Variants in WARS1 observed in about 807,000 individuals in gnomAD.
WARS1 encodes tryptophan--tRNA ligase, cytoplasmic.
Under a neutral mutation model 47.8 loss-of-function variants are expected in WARS1, and 17 were observed. That is an observed-to-expected ratio of 0.36 (90% CI 0.24 to 0.53). The LOEUF is 0.53. Among genes scored for constraint, WARS1 ranks in the 20% least tolerant of loss-of-function variants. The probability of loss-of-function intolerance (pLI) is 0.91; values close to 1 mark genes in which losing one functional copy is unlikely to be tolerated. For synonymous variants in WARS1, 208 were observed against 228.1 expected, an observed-to-expected ratio of 0.91 and a Z score of 0.79; for missense variants, 434 against 608.0, an observed-to-expected ratio of 0.71 and a Z score of 3.01.
intron 3 of WARS1, 143 bp downstream of exon 3, chr14:100,361,565 G>T (rs1033631002): frequency 5.4e-6 from 4 of 737,688 alleles, no homozygotes; most frequent in African/African-American, 5.3e-5. Context: ...ACAACCAAAA[G>T]ATTTTAGTAT....
At chr14:100,354,406 T>G (rs1895183083) in intron 5 of WARS1, 41 bp downstream of exon 5, 2 of 1,591,444 alleles carry the variant, frequency 1.3e-6, no homozygotes, top group Non-Finnish European at 1.7e-6. Flanking sequence ...CATTCTCAAT[T>G]CACTAAGAGA....
intron 9 of WARS1, among the ~76,000 whole-genome samples, chr14:100,339,355 G>A (rs1379894761): frequency 6.6e-6 from 1 of 152,182 alleles, no homozygotes; most frequent in South Asian, 2.1e-4. Context: ...ACTTTGGGAG[G>A]CCAAGGCGGG....
intron 7 of WARS1, among the ~76,000 whole-genome samples, chr14:100,343,615 T>C (rs1166944898): frequency 6.6e-6 from 1 of 152,150 alleles, no homozygotes; most frequent in Non-Finnish European, 1.5e-5. Flanking sequence ...TTACACTATA[T>C]TTGGTCTTTC....
chr14:100,342,728 A>T lies in WARS1; in HGVS notation c.940-157T>A, dbSNP rs78299025. Among the ~76,000 whole-genome samples the T allele has an allele frequency of 0.061, 9,082 of 149,418 alleles. 419 individuals carry two copies. The highest frequency in any genetic ancestry group is 0.12 in the African/African-American group (5,051 of 40,516). On this transcript the variant is annotated intron_variant, in intron 8 of 10. Transcript: ENST00000392882. ...CTTCATCTTTTCCTTTTTTTTTTTT[A>T]AATTTTACTTCCAGTTCTGGGATAC...
intron 7 of WARS1, among the ~76,000 whole-genome samples, chr14:100,343,899 C>T (rs963746087): frequency 6.6e-6 from 1 of 152,236 alleles, no homozygotes; most frequent in South Asian, 2.1e-4. Flanking sequence ...TCCCAAAGTG[C>T]TGGGATTACA....
chr14:100,360,352 A>C (rs1000935488), intron 4 of WARS1, among the ~76,000 whole-genome samples: 3 of 152,194 alleles, frequency 2.0e-5, no homozygotes, highest in African/African-American at 7.2e-5. Flanking sequence ...TCTACAAATG[A>C]AAAAACTAAG....
At chr14:100,342,323 G>GGTGTGT (rs754039708) in intron 9 of WARS1, 75 bp downstream of exon 9, 17 of 1,583,504 alleles carry the variant, frequency 1.1e-5, no homozygotes, top group Non-Finnish European at 1.7e-6. Context: ...ACTGCGCAGT[G>GGTGTGT]GTGTGTGTGT....
chr14:100,336,102 T>C (rs548664946), intron 10 of WARS1, among the ~76,000 whole-genome samples: 24 of 151,918 alleles, frequency 1.6e-4, no homozygotes, highest in East Asian at 1.9e-4. Flanking sequence ...GGTAAAACCC[T>C]GTCTCTACTA....
chr14:100,335,098 G>A, intron 10 of WARS1, 62 bp from the exon 11 acceptor site: 1 of 1,553,126 alleles, frequency 6.4e-7, no homozygotes, highest in Non-Finnish European at 8.8e-7. Flanking sequence ...GCTCCTTCCT[G>A]CCTCGGGCAC....
chr14:100,370,399 C>A (rs924097769), intron 1 of WARS1: 1 of 152,162 alleles, frequency 6.6e-6, no homozygotes. Flanking sequence ...AAAAAAAAGG[C>A]ATGGTAGCAC....
rs887023102 is a variant in WARS1, at chr14:100,361,957, T to C, written c.100-36A>G. 6 of 1,602,558 alleles carry C rather than the reference T, an allele frequency of 3.7e-6. No individual in the cohort carries two copies. The South Asian group carries it at 6.6e-5, about 18-fold the overall frequency. On this transcript the variant is annotated intron_variant, in intron 2 of 10. Transcript: ENST00000392882. ...AAATAAAAGGGATGGCTAAAAGTAT[T>C]ACTAATAGCTGATATGTGCTGAATG...
At chr14:100,337,603 C>T (rs1366644377) in intron 9 of WARS1, among the ~76,000 whole-genome samples, 1 of 149,652 alleles carries the variant, frequency 6.7e-6, no homozygotes, top group East Asian at 2.0e-4. Flanking sequence ...GTAATCTCAG[C>T]ATTTTGGGAG....
At chr14:100,345,427 G>A (rs983449289) in intron 7 of WARS1, among the ~76,000 whole-genome samples, 1 of 152,138 alleles carries the variant, frequency 6.6e-6, no homozygotes, top group African/African-American at 2.4e-5. Context: ...TAAGGGCGGT[G>A]CAAGATGTGC....
intron 4 of WARS1, among the ~76,000 whole-genome samples, chr14:100,358,614 C>T (rs1273031381): frequency 1.3e-5 from 2 of 152,116 alleles, no homozygotes; most frequent in African/African-American, 2.4e-5. Context: ...TCACAACCTT[C>T]GATTAGTCAG....
chr14:100,375,166 T>C (rs1896579620), intron 1 of WARS1, 117 bp downstream of exon 1: 1 of 152,136 alleles, frequency 6.6e-6, no homozygotes, highest in Non-Finnish European at 1.5e-5. Flanking sequence ...ATGGAAGAAG[T>C]AAAATGCATA....
intron 4 of WARS1, among the ~76,000 whole-genome samples, chr14:100,356,752 CA>C (rs963267294): frequency 1.3e-5 from 2 of 151,524 alleles, no homozygotes; most frequent in Non-Finnish European, 2.9e-5. Flanking sequence ...CAAGCTTTTC[CA>C]AAAAAAATTG....
intron 8 of WARS1, 57 bp downstream of exon 8, chr14:100,343,218 G>T: frequency 6.8e-7 from 1 of 1,462,122 alleles, no homozygotes; most frequent in South Asian, 1.2e-5. Flanking sequence ...TGAAGAGTAA[G>T]AGGAACCTGC....
intron 3 of WARS1, 91 bp downstream of exon 3, chr14:100,361,617 A>G (rs980556294): frequency 3.1e-5 from 41 of 1,341,768 alleles, no homozygotes; most frequent in Non-Finnish European, 4.0e-5. Flanking sequence ...ATTTATGATT[A>G]ATTCAAAATT....
intron 10 of WARS1, among the ~76,000 whole-genome samples, chr14:100,335,927 T>C (rs999979460): frequency 2.6e-5 from 4 of 152,180 alleles, no homozygotes; most frequent in Admixed American, 6.5e-5. Flanking sequence ...GTATCCTTTT[T>C]TCACTATCAT....
Sources: allele counts gnomAD v4.1 joint callset (sites outside exome capture counted in the v4.1 genomes callset), GRCh38; gene constraint gnomAD v4.1.1; transcripts MANE v1.5; gene names NCBI Gene and HGNC (gene_info 2026-07-23, HGNC 2026-07-21).